The following MTUS1 variants were observed in gnomAD, a reference collection of about 807,000 sequenced individuals.
MTUS1 encodes the protein microtubule associated scaffold protein 1.
In MTUS1, 109 loss-of-function variants were observed where a neutral mutation model predicts 120.8. The ratio of observed to expected loss-of-function variants is 0.90; its 90% CI spans 0.77 to 1.06. The LOEUF is 1.06. MTUS1 is among the 50% of genes least tolerant of loss of function. The pLI is 0.00. For missense variants in MTUS1, 2,210 were observed against 1,486.3 expected, an observed-to-expected ratio of 1.49 and a Z score of -8.01; for synonymous variants, 737 against 550.5, an observed-to-expected ratio of 1.34 and a Z score of -4.74.
In MTUS1 at chr8:17,675,172, C is replaced by G. The variant is rs757739378; in HGVS notation, c.2905+14G>C. On this transcript the variant is annotated intron_variant, in intron 8 of 14. Coordinates refer to ENST00000693296, the MANE Select transcript of MTUS1 (RefSeq NM_001363059.2). ...GTCCCATAAAATTTAACAACAACAA[C>G]AAAAAGCTCTTACCTAGCTCTCCCC... 3 of 1,613,960 alleles carry G rather than the reference C, an allele frequency of 1.9e-6. No homozygotes were observed. The highest frequency in any genetic ancestry group is 1.1e-5 in the South Asian group (1 of 91,056).
chr8:17,730,162 A>G lies in MTUS1; in HGVS notation c.2288-6329T>C, dbSNP rs1338620875. On this transcript the variant is annotated intron_variant, in intron 3 of 14. Coordinates refer to ENST00000693296, the MANE Select transcript of MTUS1 (RefSeq NM_001363059.2). ...AGTTACCATATAATCCAACAACTGCATGTCTAGGTACAGATCCAAAAGATG... is the reference window on the plus strand; with the variant it reads ...AGTTACCATATAATCCAACAACTGCGTGTCTAGGTACAGATCCAAAAGATG... Among the ~76,000 whole-genome samples, 5 of 152,188 alleles carry G rather than the reference A, an allele frequency of 3.3e-5. No individual in the cohort carries two copies. The East Asian group carries it at 9.6e-4, about 29-fold the overall frequency.
At chr8:17,687,854 T>C (rs1221907068) in intron 6 of MTUS1, among the ~76,000 whole-genome samples, 1 of 152,228 alleles carries the variant, frequency 6.6e-6, no homozygotes, top group African/African-American at 2.4e-5. Context: ...AATGAAGTCA[T>C]GTATCATCTT....
chr8:17,726,370 A>C (rs909252479), intron 3 of MTUS1, among the ~76,000 whole-genome samples: 2 of 152,156 alleles, frequency 1.3e-5, no homozygotes, highest in African/African-American at 4.8e-5. Flanking sequence ...ACTTGTTTCT[A>C]TCACAGCATT....
intron 1 of MTUS1, among the ~76,000 whole-genome samples, chr8:17,792,514 T>C (rs1230661583): frequency 6.6e-6 from 1 of 152,216 alleles, no homozygotes; most frequent in African/African-American, 2.4e-5. Flanking sequence ...CTCTTTTAAA[T>C]TCAAATTAAG....
At chr8:17,706,933 T>G (rs1477674305) in intron 6 of MTUS1, among the ~76,000 whole-genome samples, 1 of 152,232 alleles carries the variant, frequency 6.6e-6, no homozygotes, top group Non-Finnish European at 1.5e-5. Context: ...TGCTAAACTT[T>G]TTGAAGTTTG....
chr8:17,648,858 A>G (rs1385446459), intron 13 of MTUS1, among the ~76,000 whole-genome samples: 2 of 152,226 alleles, frequency 1.3e-5, no homozygotes, highest in Non-Finnish European at 2.9e-5. Flanking sequence ...GACAGTCAAC[A>G]GCAAGGCACC....
At chr8:17,762,364 A>T (rs7461614) in intron 1 of MTUS1, among the ~76,000 whole-genome samples, 148,745 of 152,330 alleles carry the variant, frequency 0.98, 72,716 homozygotes, top group East Asian at 1. Context: ...TATTCATAAG[A>T]CTCCACCTCC....
chr8:17,755,025 T>C lies in MTUS1; in HGVS notation c.783A>G (p.Gly261=), dbSNP rs1203545710. 19 of 1,614,008 alleles carry C rather than the reference T, an allele frequency of 1.2e-5. No individual in the cohort carries two copies. The South Asian group carries it at 1.5e-4, about 13-fold the overall frequency. The part of the protein sequence containing the change: ...MQSEVFVSDI[G]NQCACSSGKV... ...TTCCTGAAGAACATGCACACTGATT[T>C]CCAATATCTGAAACAAAAACCTCAC... The change falls in exon 2 of 15, where the codon GGA becomes GGG. Residue 261 remains glycine, a synonymous_variant. Transcript: ENST00000693296.
chr8:17,800,420 G>T (rs1006781664), intron 1 of MTUS1, among the ~76,000 whole-genome samples: 7 of 152,150 alleles, frequency 4.6e-5, no homozygotes, highest in Admixed American at 1.3e-4. Flanking sequence ...ATTTAACAGA[G>T]TATGTGTAAC....
intron 8 of MTUS1, among the ~76,000 whole-genome samples, chr8:17,658,206 T>A (rs1296806191): frequency 6.6e-6 from 1 of 152,132 alleles, no homozygotes; most frequent in African/African-American, 2.4e-5. Context: ...CCAGCTAATT[T>A]TTGTATTTTA....
At chr8:17,710,703 G>C (rs1328765537) in intron 6 of MTUS1, among the ~76,000 whole-genome samples, 1 of 152,120 alleles carries the variant, frequency 6.6e-6, no homozygotes, top group Non-Finnish European at 1.5e-5. Context: ...CTTTTCAGAA[G>C]GTTTTCAACT....
At chr8:17,758,348 A>G (rs2048780881) in intron 1 of MTUS1, 1 of 152,304 alleles carries the variant, frequency 6.6e-6, no homozygotes, top group African/African-American at 2.4e-5. Flanking sequence ...TTTCAACAGC[A>G]TGTGCACACA....
chr8:17,705,322 A>G (rs1190360426), intron 6 of MTUS1, among the ~76,000 whole-genome samples: 2 of 152,182 alleles, frequency 1.3e-5, no homozygotes, highest in Non-Finnish European at 2.9e-5. Context: ...TGTCCTAATT[A>G]TTAATCGTTT....
intron 4 of MTUS1, among the ~76,000 whole-genome samples, chr8:17,718,104 C>T (rs986911291): frequency 6.6e-6 from 1 of 152,184 alleles, no homozygotes; most frequent in Non-Finnish European, 1.5e-5. Flanking sequence ...TCAATTTCTA[C>T]TTACTGTACT....
chr8:17,758,576 A>C (rs1045051015), intron 1 of MTUS1, among the ~76,000 whole-genome samples: 1 of 152,264 alleles, frequency 6.6e-6, no homozygotes, highest in African/African-American at 2.4e-5. Flanking sequence ...TGTTTAAATC[A>C]AGAAATATAT....
At chr8:17,761,466 A>G (rs532429042) in intron 1 of MTUS1, among the ~76,000 whole-genome samples, 1 of 152,356 alleles carries the variant, frequency 6.6e-6, no homozygotes, top group East Asian at 1.9e-4. Flanking sequence ...AATCAACTGC[A>G]TGACGTGACC....
intron 3 of MTUS1, among the ~76,000 whole-genome samples, chr8:17,739,513 A>AAATT (rs1273259047): frequency 6.6e-6 from 1 of 151,590 alleles, no homozygotes; most frequent in African/African-American, 2.4e-5. Flanking sequence ...ATAAATAAAT[A>AAATT]AATTAATAAA....
chr8:17,656,381 AGCC>A (rs1808232297), intron 8 of MTUS1, among the ~76,000 whole-genome samples: 1 of 151,948 alleles, frequency 6.6e-6, no homozygotes, highest in Admixed American at 6.6e-5. Flanking sequence ...TACAAAAATT[AGCC>A]GGGCATGGTA....
At chr8:17,784,831 C>T (rs1190368477) in intron 1 of MTUS1, among the ~76,000 whole-genome samples, 1 of 151,308 alleles carries the variant, frequency 6.6e-6, no homozygotes, top group South Asian at 2.1e-4. Context: ...ATCACCCAGG[C>T]TGGAGTACAG....
Sources: allele counts gnomAD v4.1 joint callset (sites outside exome capture counted in the v4.1 genomes callset), GRCh38; gene constraint gnomAD v4.1.1; transcripts MANE v1.5; gene names NCBI Gene and HGNC (gene_info 2026-07-23, HGNC 2026-07-21).